AUTS2: variants seen among roughly 807,000 people sequenced by gnomAD.
AUTS2 encodes autism susceptibility gene 2 protein.
AUTS2 carries 17 observed loss-of-function variants against 112.4 expected under a neutral mutation model. The ratio of observed to expected loss-of-function variants is 0.15; its 90% CI spans 0.10 to 0.23. AUTS2 has a LOEUF of 0.23. Ranked by LOEUF, AUTS2 falls within the 10% of genes least tolerant of loss-of-function variation. The pLI, the probability that AUTS2 is intolerant of heterozygous loss-of-function variation, is 1.00. For missense variants in AUTS2, 1,510 were observed against 1,701.6 expected (o/e 0.89, Z 1.98); for synonymous variants, 751 against 702.7 (o/e 1.07, Z -1.09).
chr7:70,743,620 A>C (rs530312100), intron 6 of AUTS2, among the ~76,000 whole-genome samples: 1 of 152,122 alleles, frequency 6.6e-6, no homozygotes, highest in African/African-American at 2.4e-5. Flanking sequence ...TTTGTCGTGC[A>C]TTGATCTGGG....
intron 4 of AUTS2, among the ~76,000 whole-genome samples, chr7:70,205,814 A>G (rs578197995): frequency 3.3e-5 from 5 of 152,372 alleles, no homozygotes; most frequent in African/African-American, 9.6e-5. Flanking sequence ...GCCTTTGACC[A>G]GTGCTCTTGA....
intron 1 of AUTS2, among the ~76,000 whole-genome samples, chr7:69,659,043 C>T (rs1162053179): frequency 6.6e-6 from 1 of 152,180 alleles, no homozygotes; most frequent in Non-Finnish European, 1.5e-5. Flanking sequence ...AATAAACCAG[C>T]AACTGGCAGA....
At chr7:70,186,912 A>G (rs1809635411) in intron 4 of AUTS2, among the ~76,000 whole-genome samples, 1 of 152,204 alleles carries the variant, frequency 6.6e-6, no homozygotes, top group African/African-American at 2.4e-5. Flanking sequence ...GCAATTTTAT[A>G]AGATGGGTAC....
chr7:69,734,986 G>A (rs1441230819), intron 1 of AUTS2, among the ~76,000 whole-genome samples: 1 of 152,074 alleles, frequency 6.6e-6, no homozygotes, highest in Non-Finnish European at 1.5e-5. Context: ...TCTGGAATAG[G>A]TTGCAGGAAT....
intron 2 of AUTS2, among the ~76,000 whole-genome samples, chr7:69,962,851 G>A (rs1472328319): frequency 1.3e-5 from 2 of 152,090 alleles, no homozygotes; most frequent in Non-Finnish European, 2.9e-5. Flanking sequence ...AAGACGTACG[G>A]TTTTTGACAG....
intron 2 of AUTS2, among the ~76,000 whole-genome samples, chr7:69,970,260 A>G (rs985838304): frequency 6.6e-6 from 1 of 152,060 alleles, no homozygotes; most frequent in Non-Finnish European, 1.5e-5. Context: ...CTCCCTGAGC[A>G]ATTTCCTTTT....
intron 2 of AUTS2, among the ~76,000 whole-genome samples, chr7:69,962,746 T>G (rs953848135): frequency 2.4e-4 from 36 of 151,918 alleles, no homozygotes; most frequent in Admixed American, 5.3e-4. Context: ...AGCTCGTGCA[T>G]AAATGCCTGT....
At chr7:70,402,025 A>G (rs1794347048) in intron 4 of AUTS2, among the ~76,000 whole-genome samples, 1 of 152,200 alleles carries the variant, frequency 6.6e-6, no homozygotes, top group Admixed American at 6.5e-5. Flanking sequence ...AGCACAGCCA[A>G]ATGTAAGGTA....
chr7:69,977,209 A>G (rs553772447), intron 2 of AUTS2, among the ~76,000 whole-genome samples: 14 of 152,274 alleles, frequency 9.2e-5, no homozygotes, highest in African/African-American at 3.4e-4. Flanking sequence ...ATCTTTCTCC[A>G]TTGAACGGCT....
chr7:70,653,941 C>A (rs1806639142), intron 5 of AUTS2, among the ~76,000 whole-genome samples: 1 of 152,114 alleles, frequency 6.6e-6, no homozygotes, highest in African/African-American at 2.4e-5. Flanking sequence ...CAGTAATATT[C>A]TTTAATGATA....
At chr7:70,621,932 C>T (rs1804697986) in intron 5 of AUTS2, among the ~76,000 whole-genome samples, 1 of 133,714 alleles carries the variant, frequency 7.5e-6, no homozygotes. Context: ...CTGCAACTTC[C>T]ACCTCCTGGG....
chr7:70,122,162 G>T (rs981037985), intron 3 of AUTS2, among the ~76,000 whole-genome samples: 1 of 152,188 alleles, frequency 6.6e-6, no homozygotes, highest in African/African-American at 2.4e-5. Flanking sequence ...AAGTAGAATA[G>T]AACTTACCAG....
intron 5 of AUTS2, among the ~76,000 whole-genome samples, chr7:70,456,793 T>C (rs1463279712): frequency 1.3e-5 from 2 of 152,232 alleles, no homozygotes; most frequent in South Asian, 2.1e-4. Context: ...TCCTCCCAGC[T>C]GCAGCCACCT....
intron 4 of AUTS2, among the ~76,000 whole-genome samples, chr7:70,260,804 C>A (rs966786342): frequency 6.6e-6 from 1 of 151,386 alleles, no homozygotes; most frequent in African/African-American, 2.4e-5. Context: ...GGCTAGAGTG[C>A]AGTGGTGCAA....
chr7:69,773,976 G>A (rs765557671), intron 1 of AUTS2, among the ~76,000 whole-genome samples: 4 of 152,328 alleles, frequency 2.6e-5, no homozygotes, highest in Non-Finnish European at 4.4e-5. Context: ...GTTGGGAGGC[G>A]AACTTCTACC....
intron 2 of AUTS2, among the ~76,000 whole-genome samples, chr7:69,939,836 T>C (rs1490666608): frequency 6.6e-6 from 1 of 152,206 alleles, no homozygotes; most frequent in East Asian, 1.9e-4. Context: ...GAAATATCTC[T>C]TTGCTTCATT....
At chr7:70,730,152 G>A (rs1054943044) in intron 6 of AUTS2, among the ~76,000 whole-genome samples, 10 of 151,938 alleles carry the variant, frequency 6.6e-5, no homozygotes, top group Admixed American at 2.6e-4. Flanking sequence ...AAAGTGCTGG[G>A]ATTACAGGTG....
intron 1 of AUTS2, among the ~76,000 whole-genome samples, chr7:69,784,363 G>T (rs1355712689): frequency 6.6e-6 from 1 of 152,190 alleles, no homozygotes; most frequent in Non-Finnish European, 1.5e-5. Flanking sequence ...GCAAGACCCA[G>T]CTATCTCTTT....
At chr7:70,111,080 C>T (rs1396751251) in intron 2 of AUTS2, among the ~76,000 whole-genome samples, 1 of 151,630 alleles carries the variant, frequency 6.6e-6, no homozygotes, top group Non-Finnish European at 1.5e-5. Flanking sequence ...GGGGTTTCAC[C>T]GTGTTAGCCA....
Sources: allele counts gnomAD v4.1 joint callset (sites outside exome capture counted in the v4.1 genomes callset), GRCh38; gene constraint gnomAD v4.1.1; transcripts MANE v1.5; gene names NCBI Gene and HGNC (gene_info 2026-07-23, HGNC 2026-07-21).